MEOX2: variants seen among roughly 807,000 people sequenced by gnomAD.
MEOX2 encodes the protein homeobox protein MOX-2.
A neutral mutation model predicts 27.0 loss-of-function variants in MEOX2; 11 were observed. The ratio of observed to expected loss-of-function variants is 0.41; its 90% CI spans 0.26 to 0.68. The LOEUF is 0.68. Ranked by LOEUF, MEOX2 falls within the 30% of genes least tolerant of loss-of-function variation. The pLI is 0.33. For synonymous variants in MEOX2, 189 were observed against 155.4 expected (o/e 1.22, Z -1.61); for missense variants, 436 against 385.4 (o/e 1.13, Z -1.10).
chr7:15,650,853 T>C (rs1781722681), intron 1 of MEOX2, among the ~76,000 whole-genome samples: 1 of 152,060 alleles, frequency 6.6e-6, no homozygotes, highest in Non-Finnish European at 1.5e-5. Flanking sequence ...ACAGAGGCAC[T>C]CGATCTGCCT....
chr7:15,640,878 C>T (rs898765378), intron 1 of MEOX2, among the ~76,000 whole-genome samples: 2 of 152,158 alleles, frequency 1.3e-5, no homozygotes, highest in Non-Finnish European at 2.9e-5. Flanking sequence ...ATTAAACTAA[C>T]TTGAACGTGA....
rs76429712 is a variant in MEOX2 at position 15,683,885 on chromosome 7, A to G, written c.517+2001T>C. On this transcript the variant is annotated intron_variant, in intron 1 of 2. Coordinates refer to ENST00000262041, the MANE Select transcript of MEOX2 (RefSeq NM_005924.5). ...ATTTATGTAGCTGACACAAACACTT[A>G]TATTTGCTTGTTTTTCCAGTACCCT... Among the ~76,000 whole-genome samples the G allele has an allele frequency of 3.5e-3, 529 of 152,302 alleles. 4 individuals carry two copies. Among genetic ancestry groups the G allele is most frequent in the African/African-American group, 0.012 (502 of 41,576 alleles).
chr7:15,679,287 T>C (rs1782254910), intron 1 of MEOX2: 1 of 152,082 alleles, frequency 6.6e-6, no homozygotes, highest in Non-Finnish European at 1.5e-5. Flanking sequence ...TTCCATGTCC[T>C]AGTTAATTCA....
intron 1 of MEOX2, among the ~76,000 whole-genome samples, chr7:15,659,553 G>A (rs1781875922): frequency 6.6e-6 from 1 of 152,020 alleles, no homozygotes; most frequent in Non-Finnish European, 1.5e-5. Flanking sequence ...AAGGTCAGGA[G>A]ATCGAGACTA....
chr7:15,649,564 TAAGA>T (rs879861920), intron 1 of MEOX2, among the ~76,000 whole-genome samples: 1 of 151,834 alleles, frequency 6.6e-6, no homozygotes, highest in African/African-American at 2.4e-5. Context: ...ACAAGAAAAA[TAAGA>T]ACAAAGACTT....
chr7:15,612,778 A>G (rs1343311422), intron 2 of MEOX2, among the ~76,000 whole-genome samples, 167 bp from the exon 3 acceptor site: 2 of 152,234 alleles, frequency 1.3e-5, no homozygotes, highest in African/African-American at 4.8e-5. Context: ...ATCAGGTTAC[A>G]TGTTCATGAT....
Position 15,686,447 on chromosome 7 carries a change from C to A in MEOX2, c.-45G>T, listed in dbSNP as rs781759713. ...CCAGGCAGAAGACTTCACGGCGGTT[C>A]CAAAGGCCACCACCCTCTGTCACTT... On this transcript the variant is annotated 5_prime_UTR_variant, in exon 1 of 3. Transcript: ENST00000262041. 6.7e-7 allele frequency: 1 copy of A among 1,489,468 alleles called. No homozygotes were observed. Among genetic ancestry groups the A allele is most frequent in the Non-Finnish European group, 9.0e-7 (1 of 1,105,512 alleles). The allele number at this position is 1,489,468 out of a possible 1,614,324, so 92.3% of individuals were successfully genotyped here.
chr7:15,679,136 A>G (rs987915582), intron 1 of MEOX2: 8 of 152,150 alleles, frequency 5.3e-5, no homozygotes, highest in African/African-American at 1.9e-4. Context: ...TCTAATTCAG[A>G]TTTACTATTA....
intron 1 of MEOX2, among the ~76,000 whole-genome samples, chr7:15,631,057 G>A (rs891554411): frequency 4.0e-5 from 6 of 151,828 alleles, no homozygotes; most frequent in South Asian, 2.1e-4. Flanking sequence ...AAATTGGATC[G>A]AGCACCACTA....
chr7:15,681,083 C>A (rs1782285590), intron 1 of MEOX2: 1 of 151,460 alleles, frequency 6.6e-6, no homozygotes, highest in East Asian at 1.9e-4. Context: ...ACTATTAATT[C>A]AACAGATATT....
Position 15,674,013 on chromosome 7 carries a change from TAGAC to T in MEOX2, c.517+11869_517+11872del, listed in dbSNP as rs1782153262. The stretch of plus-strand genomic sequence containing the variant: ...TATGTGTATATAGATAGATAGATGA[TAGAC>T]AGATAGATATAATAATACATACATA... On this transcript the variant is annotated intron_variant, in intron 1 of 2. Transcript: ENST00000262041. Among the ~76,000 whole-genome samples, 7 of 152,134 alleles carry T rather than the reference TAGAC, an allele frequency of 4.6e-5. No homozygotes were observed. In the South Asian group the frequency reaches 1.0e-3, roughly 23 times the overall value.
intron 1 of MEOX2, among the ~76,000 whole-genome samples, chr7:15,682,369 A>G (rs549194336): frequency 2.0e-5 from 3 of 151,834 alleles, no homozygotes; most frequent in East Asian, 1.9e-4. Flanking sequence ...TTAAGTTCCA[A>G]CTTATTAAAT....
intron 1 of MEOX2, among the ~76,000 whole-genome samples, chr7:15,664,878 G>A (rs1562611077): frequency 1.3e-5 from 2 of 152,098 alleles, no homozygotes; most frequent in African/African-American, 4.8e-5. Context: ...TCCTTCTGTT[G>A]CATCTCATTT....
chr7:15,613,518 G>C (rs1583732857), intron 2 of MEOX2, among the ~76,000 whole-genome samples: 1 of 151,812 alleles, frequency 6.6e-6, no homozygotes, highest in Non-Finnish European at 1.5e-5. Context: ...CATAATTATA[G>C]CTTCTAGCAA....
At chr7:15,683,989 A>T (rs1425163100) in intron 1 of MEOX2, among the ~76,000 whole-genome samples, 1 of 152,152 alleles carries the variant, frequency 6.6e-6, no homozygotes, top group Admixed American at 6.5e-5. Context: ...GGGAGAGATA[A>T]ATTAGTTTTG....
intron 1 of MEOX2, among the ~76,000 whole-genome samples, chr7:15,684,989 C>T (rs1782354147): frequency 6.6e-6 from 1 of 152,256 alleles, no homozygotes; most frequent in Non-Finnish European, 1.5e-5. Flanking sequence ...TTTTGCATGG[C>T]TGCTCAAATT....
intron 1 of MEOX2, among the ~76,000 whole-genome samples, chr7:15,640,796 T>C (rs1254262738): frequency 2.6e-5 from 4 of 152,216 alleles, no homozygotes; most frequent in African/African-American, 7.2e-5. Flanking sequence ...ATGGTTTTTG[T>C]TTTTAATTCT....
At chr7:15,634,235 G>A (rs1396341178) in intron 1 of MEOX2, among the ~76,000 whole-genome samples, 2 of 151,822 alleles carry the variant, frequency 1.3e-5, no homozygotes, top group Non-Finnish European at 2.9e-5. Flanking sequence ...GATAATTCTT[G>A]TTACATTTGT....
intron 1 of MEOX2, among the ~76,000 whole-genome samples, chr7:15,664,722 T>C (rs1052192616): frequency 6.6e-6 from 1 of 152,192 alleles, no homozygotes; most frequent in African/African-American, 2.4e-5. Context: ...TCAGTCTTTC[T>C]AATTAAGAAG....
Sources: gnomAD v4.1 joint callset for allele counts (sites outside exome capture counted in the v4.1 genomes callset) on GRCh38, gnomAD v4.1.1 for gene constraint, MANE v1.5 for transcripts, NCBI Gene and HGNC (gene_info 2026-07-23, HGNC 2026-07-21) for gene names.